Variants in MAPKBP1 observed in about 807,000 individuals in gnomAD.
MAPKBP1 encodes mitogen-activated protein kinase-binding protein 1.
In MAPKBP1, 71 loss-of-function variants were observed where a neutral mutation model predicts 170.5. The ratio of observed to expected loss-of-function variants is 0.42; its 90% CI spans 0.34 to 0.51. The LOEUF (loss-of-function observed/expected upper bound fraction) is 0.51, where lower values mean the gene tolerates loss of function less well. Among genes scored for constraint, MAPKBP1 ranks in the 20% least tolerant of loss-of-function variants. The probability of loss-of-function intolerance (pLI) is 0.06; values close to 1 mark genes in which losing one functional copy is unlikely to be tolerated. For synonymous variants in MAPKBP1, 719 were observed against 757.9 expected, an observed-to-expected ratio of 0.95 and a Z score of 0.84; for missense variants, 1,598 against 1,933.0, an observed-to-expected ratio of 0.83 and a Z score of 3.25.
At chr15:41,810,780 A>G (rs1298495702) in intron 3 of MAPKBP1, 103 bp from the exon 4 acceptor site, 1 of 858,630 alleles carries the variant, frequency 1.2e-6, no homozygotes, top group East Asian at 2.4e-5. Context: ...AGCTCTTTCT[A>G]CCCAGCTCCC....
intron 2 of MAPKBP1, among the ~76,000 whole-genome samples, chr15:41,781,190 C>A (rs1326601492): frequency 6.6e-6 from 1 of 151,924 alleles, no homozygotes; most frequent in Non-Finnish European, 1.5e-5. Flanking sequence ...ATTCTCTTGC[C>A]TCAGCCTCCC....
intron 3 of MAPKBP1, among the ~76,000 whole-genome samples, chr15:41,804,252 C>G (rs1227197081): frequency 2.0e-5 from 3 of 152,200 alleles, no homozygotes; most frequent in Admixed American, 2.0e-4. Context: ...GACTTCTGCC[C>G]CTGGGTTTGG....
chr15:41,808,590 C>G (rs1432135040), intron 3 of MAPKBP1, among the ~76,000 whole-genome samples: 2 of 151,658 alleles, frequency 1.3e-5, no homozygotes, highest in African/African-American at 4.8e-5. Context: ...ATTCTCCTGC[C>G]TCAGCCTCCC....
At chr15:41,786,777 A>T (rs1358605157) in intron 2 of MAPKBP1, among the ~76,000 whole-genome samples, 31 of 32,416 alleles carry the variant, frequency 9.6e-4, no homozygotes, top group African/African-American at 3.8e-3. Flanking sequence ...AAAAAAAAAA[A>T]ATATATATAT....
chr15:41,795,726 C>T (rs1010144836), intron 2 of MAPKBP1, among the ~76,000 whole-genome samples: 1 of 152,202 alleles, frequency 6.6e-6, no homozygotes, highest in African/African-American at 2.4e-5. Flanking sequence ...CCTGCCTCAG[C>T]CTCCCCAGCA....
At position 41,823,053 on chromosome 15, in the gene MAPKBP1, G is replaced by A. The variant is rs1213432980; in HGVS notation, c.3429G>A (p.Pro1143=). The change falls in exon 28 of 31, where the codon CCG becomes CCA. Residue 1143 remains proline, a synonymous_variant. Transcript: ENST00000457542. ...GNGANPPGAP[P]EVEPSSGNPS... ...GTGCCAATCCCCCTGGAGCACCCCC[G>A]GAGGTGGAACCGTCCTCTGGCAACC... 16 of 1,613,706 alleles carry A rather than the reference G, an allele frequency of 9.9e-6. No homozygotes were observed. The highest frequency in any genetic ancestry group is 2.7e-5 in the African/African-American group (2 of 74,870).
intron 8 of MAPKBP1, 189 bp downstream of exon 8, chr15:41,813,290 C>T (rs745510719): frequency 1.3e-6 from 2 of 1,527,534 alleles, no homozygotes; most frequent in South Asian, 1.1e-5. Context: ...CTCCTCTCTG[C>T]TCTTTCTGTC....
At chr15:41,786,560 A>T (rs559144601) in intron 2 of MAPKBP1, among the ~76,000 whole-genome samples, 2,050 of 151,338 alleles carry the variant, frequency 0.014, 176 homozygotes, top group Admixed American at 0.12. Flanking sequence ...GTCAGGAGAT[A>T]GAGACCATTG....
intron 3 of MAPKBP1, among the ~76,000 whole-genome samples, chr15:41,809,348 C>T (rs1472112998): frequency 6.6e-6 from 1 of 152,140 alleles, no homozygotes; most frequent in African/African-American, 2.4e-5. Flanking sequence ...AGCTGTTGGT[C>T]AGCCTGGCAG....
At chr15:41,796,508 G>A (rs2064491658) in intron 2 of MAPKBP1, among the ~76,000 whole-genome samples, 1 of 152,176 alleles carries the variant, frequency 6.6e-6, no homozygotes, top group Non-Finnish European at 1.5e-5. Flanking sequence ...CAAACAGGAA[G>A]CTGGTTTGAG....
At chr15:41,802,688 G>C (rs1387233456) in intron 3 of MAPKBP1, among the ~76,000 whole-genome samples, 1 of 152,176 alleles carries the variant, frequency 6.6e-6, no homozygotes, top group Non-Finnish European at 1.5e-5. Context: ...TGGCCAGGCT[G>C]GTCTTGAACT....
Position 41,816,979 on chromosome 15 carries a change from G to C in MAPKBP1, c.1655G>C (p.Ser552Thr). 6.2e-7 allele frequency: 1 copy of C among 1,611,954 alleles called. No individual in the cohort carries two copies. The highest frequency in any genetic ancestry group is 8.5e-7 in the Non-Finnish European group (1 of 1,178,496). The change falls in exon 14 of 31, where the codon AGC becomes ACC. Residue 552 changes from serine to threonine, a missense_variant. By Grantham distance (58) the Ser-to-Thr change is moderately conservative (BLOSUM62 1). Coordinates refer to ENST00000457542, the MANE Select transcript of MAPKBP1 (RefSeq NM_014994.3). ...GTGCTGGATGCCGGGCGGGAGTACA[G>C]CCTACAGCAGACGCTGGACGAACAC... Reference protein sequence around the residue: ...IHVLDAGREYSLQQTLDEHSS... With the variant: ...IHVLDAGREYTLQQTLDEHSS...
chr15:41,821,709 T>C lies in MAPKBP1; in HGVS notation c.2844T>C (p.Ile948=). 1 of 1,614,160 alleles carries C rather than the reference T, an allele frequency of 6.2e-7. No homozygotes were observed. Among genetic ancestry groups the C allele is most frequent in the South Asian group, 1.1e-5 (1 of 91,084 alleles). Residue 948 remains isoleucine (I), a synonymous_variant, in exon 24 of 31, where the codon ATT becomes ATC. Transcript: ENST00000457542. ...AACCTGCACCCATTGAAGATGGTATTGTCTACCCGGAGCCGAGTGACAACC... is the reference window on the plus strand; with the variant it reads ...AACCTGCACCCATTGAAGATGGTATCGTCTACCCGGAGCCGAGTGACAACC... ...DLEPAPIEDG[I]VYPEPSDNPT...
At chr15:41,797,214 A>G (rs1427084841) in intron 2 of MAPKBP1, among the ~76,000 whole-genome samples, 2 of 152,212 alleles carry the variant, frequency 1.3e-5, no homozygotes, top group East Asian at 3.8e-4. Flanking sequence ...CTGAGAACCA[A>G]CTGACTTGGT....
chr15:41,819,557 G>GGGGGGGGGGGGGCC (rs1555454017), intron 21 of MAPKBP1, 38 bp from the exon 22 acceptor site: 1 of 1,375,042 alleles, frequency 7.3e-7, no homozygotes, highest in African/African-American at 1.5e-5. Flanking sequence ...CGGGGGGGGG[G>GGGGGGGGGGGGGCC]CAGGAGACAC....
rs1470866209 is a variant in MAPKBP1 at position 41,784,794 on chromosome 15, A to AT, written c.114+9405_114+9406insT. 3.8e-4 allele frequency among the ~76,000 whole-genome samples: 57 copies of AT among 150,958 alleles called. No homozygotes were observed. In the South Asian group the frequency reaches 9.3e-3, roughly 25 times the overall value. On this transcript the variant is annotated intron_variant, in intron 2 of 30. Transcript: ENST00000457542. ...AGACTCCGTCTCAAAAAAAAAAAAAAAAAAAAAATTAGCTGGGACTTTGGG... is the reference window on the plus strand; with the variant it reads ...AGACTCCGTCTCAAAAAAAAAAAAAATAAAAAAAATTAGCTGGGACTTTGGG...
intron 2 of MAPKBP1, among the ~76,000 whole-genome samples, chr15:41,798,563 G>C (rs563430055): frequency 3.3e-5 from 5 of 152,020 alleles, no homozygotes; most frequent in Admixed American, 6.6e-5. Flanking sequence ...GATTACAGGC[G>C]TGAGCAATTG....
chr15:41,792,596 C>T (rs1230635907), intron 2 of MAPKBP1, among the ~76,000 whole-genome samples: 1 of 152,192 alleles, frequency 6.6e-6, no homozygotes, highest in East Asian at 1.9e-4. Flanking sequence ...GTGCATGAAG[C>T]AGTGTTCCTA....
chr15:41,808,313 G>C (rs1051761226), intron 3 of MAPKBP1, among the ~76,000 whole-genome samples: 2 of 150,752 alleles, frequency 1.3e-5, no homozygotes, highest in African/African-American at 4.9e-5. Flanking sequence ...CACCATGTTG[G>C]CCAGGATGGT....
Sources: gnomAD v4.1 joint callset for allele counts (sites outside exome capture counted in the v4.1 genomes callset) on GRCh38, gnomAD v4.1.1 for gene constraint, MANE v1.5 for transcripts, NCBI Gene and HGNC (gene_info 2026-07-23, HGNC 2026-07-21) for gene names.